VPS41: variants seen among roughly 807,000 people sequenced by gnomAD.
VPS41 encodes vacuolar protein sorting-associated protein 41 homolog.
Under a neutral mutation model 130.9 loss-of-function variants are expected in VPS41, and 85 were observed. The observed-to-expected ratio is 0.65, with a 90% CI of 0.55 to 0.78. VPS41 has a LOEUF of 0.78. Ranked by LOEUF, VPS41 falls within the 30% of genes least tolerant of loss-of-function variation. The pLI is 0.00. For missense variants in VPS41, 874 were observed against 1,018.7 expected (o/e 0.86, Z 1.93); for synonymous variants, 335 against 332.9 (o/e 1.01, Z -0.07).
At chr7:38,772,901 A>G (rs1000895713) in intron 12 of VPS41, among the ~76,000 whole-genome samples, 1 of 152,072 alleles carries the variant, frequency 6.6e-6, no homozygotes, top group Non-Finnish European at 1.5e-5. Context: ...ACAGAAAGGG[A>G]GGGAATGACA....
intron 23 of VPS41, 80 bp downstream of exon 23, chr7:38,745,479 G>T: frequency 1.7e-6 from 2 of 1,172,738 alleles, no homozygotes; most frequent in South Asian, 1.2e-5. Context: ...TAAAACCTAT[G>T]TCCTTTCTTA....
At chr7:38,727,159 C>G in intron 27 of VPS41, 171 bp from the exon 28 acceptor site, 1 of 507,074 alleles carries the variant, frequency 2.0e-6, no homozygotes, top group East Asian at 3.6e-5. Flanking sequence ...AGACACAAAA[C>G]AGGTATTATA....
chr7:38,746,577 G>A (rs1326091412), intron 22 of VPS41, among the ~76,000 whole-genome samples: 1 of 152,008 alleles, frequency 6.6e-6, no homozygotes, highest in Non-Finnish European at 1.5e-5. Flanking sequence ...TACAGAGGAG[G>A]GACACTGAAA....
intron 14 of VPS41, among the ~76,000 whole-genome samples, chr7:38,768,976 T>G (rs1784104255): frequency 7.2e-6 from 1 of 138,330 alleles, no homozygotes; most frequent in African/African-American, 3.5e-5. Context: ...CCTTCACAGC[T>G]AACCTGATAA....
At chr7:38,889,565 A>C (rs1048157697) in intron 2 of VPS41, among the ~76,000 whole-genome samples, 207 of 149,862 alleles carry the variant, frequency 1.4e-3, no homozygotes, top group Non-Finnish European at 2.4e-3. Context: ...AAAACAAAAA[A>C]AAAAAAAAAC....
intron 7 of VPS41, among the ~76,000 whole-genome samples, chr7:38,807,720 A>G (rs1300374963): frequency 6.6e-6 from 1 of 152,200 alleles, no homozygotes; most frequent in Admixed American, 6.5e-5. Flanking sequence ...CACGACACCA[A>G]CTAACAATGA....
At chr7:38,796,182 T>G (rs780451734) in intron 8 of VPS41, among the ~76,000 whole-genome samples, 11 of 152,178 alleles carry the variant, frequency 7.2e-5, no homozygotes, top group Non-Finnish European at 1.2e-4. Context: ...ATAGAACCGA[T>G]TTACTAAATT....
chr7:38,732,064 A>C (rs1322055762), intron 25 of VPS41, among the ~76,000 whole-genome samples: 2 of 152,208 alleles, frequency 1.3e-5, no homozygotes, highest in Non-Finnish European at 2.9e-5. Context: ...AGCCCTTTCA[A>C]ATCAAAAAGC....
intron 7 of VPS41, among the ~76,000 whole-genome samples, chr7:38,807,027 C>T (rs753775497): frequency 1.2e-4 from 18 of 152,212 alleles, no homozygotes; most frequent in Non-Finnish European, 7.3e-5. Flanking sequence ...CAAACACCTC[C>T]CACTTTGGCT....
Position 38,742,165 on chromosome 7 carries a change from T to C in VPS41, c.2123-44A>G, listed in dbSNP as rs773154454. ...AACAATGAACATATAAGCAACATTA[T>C]AATGCAATTTTATTTGCACATAATT... On this transcript the variant is annotated intron_variant, in intron 24 of 28. Coordinates refer to ENST00000310301, the MANE Select transcript of VPS41 (RefSeq NM_014396.4). 4.6e-6 allele frequency: 7 copies of C among 1,528,116 alleles called. No individual in the cohort carries two copies. The Admixed American group carries it at 1.1e-4, about 25-fold the overall frequency. 94.7% of individuals were successfully genotyped at this position (1,528,116 alleles called of 1,614,324 possible).
chr7:38,864,405 T>A (rs954069841), intron 3 of VPS41, among the ~76,000 whole-genome samples: 1 of 152,220 alleles, frequency 6.6e-6, no homozygotes, highest in Non-Finnish European at 1.5e-5. Flanking sequence ...CTTTACAGTC[T>A]CATCCTAAAA....
At position 38,768,992 on chromosome 7, in the gene VPS41, A is replaced by G. The variant is rs557348120; in HGVS notation, c.1186-1394T>C. Among the ~76,000 whole-genome samples, 27 of 152,202 alleles carry G rather than the reference A, an allele frequency of 1.8e-4. No homozygotes were observed. In the South Asian group the frequency reaches 5.6e-3, roughly 32 times the overall value. On this transcript the variant is annotated intron_variant, in intron 14 of 28. Transcript: ENST00000310301. ...CTTCACAGCTAACCTGATAATCTAT[A>G]CTCAGAACCGTACTTTATAATCTCC...
intron 5 of VPS41, among the ~76,000 whole-genome samples, chr7:38,824,643 A>C (rs972051446): frequency 6.6e-5 from 10 of 152,354 alleles, no homozygotes; most frequent in African/African-American, 2.4e-4. Context: ...GAAGAGTAGA[A>C]TAGAACAACA....
chr7:38,857,851 G>A (rs968443161), intron 4 of VPS41, among the ~76,000 whole-genome samples: 1 of 152,180 alleles, frequency 6.6e-6, no homozygotes, highest in Admixed American at 6.5e-5. Flanking sequence ...TACATGTGAG[G>A]TATATATTGG....
At chr7:38,868,763 A>C (rs1282052229) in intron 3 of VPS41, among the ~76,000 whole-genome samples, 1 of 152,256 alleles carries the variant, frequency 6.6e-6, no homozygotes, top group African/African-American at 2.4e-5. Context: ...AACTTAATAA[A>C]AGAATAACTT....
At chr7:38,743,858 G>A (rs1223817162) in intron 23 of VPS41, among the ~76,000 whole-genome samples, 1 of 152,118 alleles carries the variant, frequency 6.6e-6, no homozygotes, top group African/African-American at 2.4e-5. Flanking sequence ...TTAGTAGCTT[G>A]CTAAGATCAT....
intron 6 of VPS41, among the ~76,000 whole-genome samples, chr7:38,819,269 T>C (rs922606726): frequency 2.6e-5 from 4 of 152,192 alleles, no homozygotes; most frequent in African/African-American, 9.7e-5. Context: ...AGGCAGAGGG[T>C]CTAGGACTCT....
At chr7:38,750,055 A>T (rs947187968) in intron 22 of VPS41, among the ~76,000 whole-genome samples, 15 of 152,164 alleles carry the variant, frequency 9.9e-5, no homozygotes, top group Non-Finnish European at 1.3e-4. Context: ...TTGTAGAGAC[A>T]GAGTCTTGCT....
chr7:38,831,896 C>T (rs371045316), intron 4 of VPS41, among the ~76,000 whole-genome samples: 1 of 152,186 alleles, frequency 6.6e-6, no homozygotes, highest in East Asian at 1.9e-4. Context: ...TGAATGGAAA[C>T]CATTTGTGCC....
Sources: gnomAD v4.1 joint callset for allele counts (sites outside exome capture counted in the v4.1 genomes callset) on GRCh38, gnomAD v4.1.1 for gene constraint, MANE v1.5 for transcripts, NCBI Gene and HGNC (gene_info 2026-07-23, HGNC 2026-07-21) for gene names.